AADACL4: variants seen among roughly 807,000 people sequenced by gnomAD.
The protein encoded by AADACL4 is arylacetamide deacetylase-like 4.
Under a neutral mutation model 14.1 loss-of-function variants are expected in AADACL4, and 9 were observed. The observed-to-expected ratio is 0.64, with a 90% CI of 0.39 to 1.12. The LOEUF (loss-of-function observed/expected upper bound fraction) is 1.12, where lower values mean the gene tolerates loss of function less well. AADACL4 is among the 50% of genes most tolerant of loss of function. The probability of loss-of-function intolerance (pLI) is 0.01; values close to 1 mark genes in which losing one functional copy is unlikely to be tolerated. For missense variants in AADACL4, 531 were observed against 516.1 expected (o/e 1.03, Z -0.28); for synonymous variants, 188 against 201.6 (o/e 0.93, Z 0.57).
chr1:12,663,783 T>C (rs887022341), intron 3 of AADACL4, among the ~76,000 whole-genome samples: 4 of 152,204 alleles, frequency 2.6e-5, no homozygotes, highest in African/African-American at 9.6e-5. Flanking sequence ...GTTTGTACTC[T>C]CTGCTACCAG....
At position 12,666,425 on chromosome 1, in the gene AADACL4, G is replaced by A; in HGVS notation, c.914G>A (p.Gly305Asp). 6.2e-7 allele frequency: 1 copy of A among 1,614,132 alleles called. No homozygotes were observed. The highest frequency in any genetic ancestry group is 8.5e-7 in the Non-Finnish European group (1 of 1,180,028). ...AGAGGCTACCAACCCTGGTCTCCCG[G>A]CCCTTTTAATGAAGCTGCCTATCTA... Reference protein sequence around the residue: ...KNRGYQPWSPGPFNEAAYLEA... With the variant: ...KNRGYQPWSPDPFNEAAYLEA... Residue 305 changes from glycine (G) to aspartate (D), a missense_variant, in exon 4 of 4, where the codon GGC becomes GAC. By Grantham distance (94) the Gly-to-Asp change is moderately conservative. Transcript: ENST00000376221.
At chr1:12,649,680 C>T (rs1647133634) in intron 1 of AADACL4, among the ~76,000 whole-genome samples, 1 of 152,216 alleles carries the variant, frequency 6.6e-6, no homozygotes, top group Non-Finnish European at 1.5e-5. Context: ...GTGGGGCTCA[C>T]ACTGGCCAGG....
intron 1 of AADACL4, among the ~76,000 whole-genome samples, chr1:12,645,496 C>T (rs1210268234): frequency 1.8e-4 from 27 of 152,116 alleles, no homozygotes; most frequent in Admixed American, 1.5e-3. Context: ...CCTTCAGCCG[C>T]GCACACTTTC....
At chr1:12,651,583 T>C (rs998999936) in intron 2 of AADACL4, among the ~76,000 whole-genome samples, 1 of 152,130 alleles carries the variant, frequency 6.6e-6, no homozygotes, top group Admixed American at 6.6e-5. Context: ...ACAGCAGTGG[T>C]CATGGTGGGG....
chr1:12,650,493 G>A lies in AADACL4; in HGVS notation c.169-630G>A, dbSNP rs76703991. 8.5e-4 allele frequency among the ~76,000 whole-genome samples: 129 copies of A among 151,826 alleles called. 1 individual carries two copies. The South Asian group carries it at 0.01, about 12-fold the overall frequency. On this transcript the variant is annotated intron_variant, in intron 1 of 3. Coordinates refer to ENST00000376221, the MANE Select transcript of AADACL4 (RefSeq NM_001013630.2). ...AGAGTCCAGCACAGAGCTATAGAGA[G>A]GGAAGTTGCTGGCCAGTTGCCTTGG...
chr1:12,654,625 G>A (rs1277737681), intron 2 of AADACL4, among the ~76,000 whole-genome samples: 4 of 152,164 alleles, frequency 2.6e-5, no homozygotes, highest in Non-Finnish European at 4.4e-5. Context: ...GTTCAGTCAG[G>A]CTGGTGGGAA....
At chr1:12,647,133 A>G (rs1570424570) in intron 1 of AADACL4, among the ~76,000 whole-genome samples, 1 of 141,022 alleles carries the variant, frequency 7.1e-6, no homozygotes, top group Admixed American at 7.6e-5. Flanking sequence ...TCACTCTGTC[A>G]CCCAGGCAGG....
chr1:12,658,936 G>A (rs1647205395), intron 2 of AADACL4, among the ~76,000 whole-genome samples: 1 of 152,206 alleles, frequency 6.6e-6, no homozygotes, highest in Non-Finnish European at 1.5e-5. Flanking sequence ...TTTGTTGCTG[G>A]ATCCTCAGTG....
At position 12,651,295 on chromosome 1, in the gene AADACL4, G is replaced by A. The variant is rs758933750; in HGVS notation, c.341G>A (p.Gly114Asp). 5.0e-6 allele frequency: 8 copies of A among 1,614,232 alleles called. No individual in the cohort carries two copies. In the South Asian group the frequency reaches 8.8e-5, roughly 18 times the overall value. Residue 114 changes from glycine to aspartate, a missense_variant, in exon 2 of 4, where the codon GGC (glycine) becomes GAC (aspartate). Coordinates refer to ENST00000376221, the MANE Select transcript of AADACL4 (RefSeq NM_001013630.2). Reference sequence around the variant, plus strand: ...GCAGCATCCTCCAGACCCCGGCGAGGCATCATCTTCTACCATGGAGGGGCC... The same window carrying A: ...GCAGCATCCTCCAGACCCCGGCGAGACATCATCTTCTACCATGGAGGGGCC... ...PKAASSRPRRGIIFYHGGATV... is the reference protein window; with the variant it reads ...PKAASSRPRRDIIFYHGGATV...
chr1:12,649,023 G>A (rs1041625857), intron 1 of AADACL4, among the ~76,000 whole-genome samples: 1 of 152,200 alleles, frequency 6.6e-6, no homozygotes, highest in Non-Finnish European at 1.5e-5. Flanking sequence ...CTTTGCTCAT[G>A]AGAAGCATTT....
chr1:12,658,713 A>C (rs866500724), intron 2 of AADACL4, among the ~76,000 whole-genome samples: 1 of 90,920 alleles, frequency 1.1e-5, no homozygotes, highest in Admixed American at 1.3e-4. Flanking sequence ...CCCCCCGTGT[A>C]CACCCCGTGC....
At chr1:12,655,534 A>G (rs920161220) in intron 2 of AADACL4, among the ~76,000 whole-genome samples, 1 of 151,802 alleles carries the variant, frequency 6.6e-6, no homozygotes, top group African/African-American at 2.4e-5. Context: ...TGGCTGGGAC[A>G]TCATTGCTCC....
chr1:12,645,791 G>T (rs113754590), intron 1 of AADACL4, among the ~76,000 whole-genome samples: 2 of 152,146 alleles, frequency 1.3e-5, no homozygotes, highest in African/African-American at 2.4e-5. Flanking sequence ...CAATCTGCCC[G>T]CCTTGGCCTC....
chr1:12,660,978 C>T (rs1299021453), intron 2 of AADACL4, among the ~76,000 whole-genome samples: 1 of 152,162 alleles, frequency 6.6e-6, no homozygotes, highest in East Asian at 1.9e-4. Flanking sequence ...AATGTGCAGC[C>T]AGGGCTGAGA....
In AADACL4 at chr1:12,665,377, C is replaced by T. The variant is rs536123604; in HGVS notation, c.450-584C>T. Among the ~76,000 whole-genome samples the T allele has an allele frequency of 5.3e-5, 8 of 152,274 alleles. No individual in the cohort carries two copies. The East Asian group carries it at 1.5e-3, about 29-fold the overall frequency. ...AGCTGGGACTATAGGCGCCCGCCAC[C>T]ACGCCTGGCTAATTTTTTGTATTTT... On this transcript the variant is annotated intron_variant, in intron 3 of 3. Transcript: ENST00000376221.
In AADACL4 at chr1:12,650,104, A is replaced by G. The variant is rs115136056; in HGVS notation, c.169-1019A>G. On this transcript the variant is annotated intron_variant, in intron 1 of 3. Transcript: ENST00000376221. ...GACACATTGTAAATGTCTGATAAGT[A>G]TCAGCTGTTCTTGTTCTTGTCATTC... Among the ~76,000 whole-genome samples, 407 of 152,348 alleles carry G rather than the reference A, an allele frequency of 2.7e-3. 4 individuals carry two copies. The highest frequency in any genetic ancestry group is 9.5e-3 in the African/African-American group (394 of 41,584).
At chr1:12,661,511 A>G (rs920142526) in intron 2 of AADACL4, among the ~76,000 whole-genome samples, 1 of 152,102 alleles carries the variant, frequency 6.6e-6, no homozygotes, top group Non-Finnish European at 1.5e-5. Context: ...TCCATTTCAG[A>G]TCACTAAGAT....
At chr1:12,645,920 C>CCAA (rs1647108621) in intron 1 of AADACL4, among the ~76,000 whole-genome samples, 1 of 152,156 alleles carries the variant, frequency 6.6e-6, no homozygotes, top group Non-Finnish European at 1.5e-5. Flanking sequence ...TAGGTGCTTA[C>CCAA]TTTTGTTGGT....
chr1:12,654,760 A>T (rs1413676767), intron 2 of AADACL4, among the ~76,000 whole-genome samples: 1 of 152,232 alleles, frequency 6.6e-6, no homozygotes, highest in Non-Finnish European at 1.5e-5. Flanking sequence ...TAAAGTGGGT[A>T]CAAAGGAAGA....
Sources: gnomAD v4.1 joint callset for allele counts (sites outside exome capture counted in the v4.1 genomes callset) on GRCh38, gnomAD v4.1.1 for gene constraint, MANE v1.5 for transcripts, NCBI Gene and HGNC (gene_info 2026-07-23, HGNC 2026-07-21) for gene names.